The following DDX27 variants were observed in gnomAD, a reference collection of about 807,000 sequenced individuals.
DDX27 encodes probable ATP-dependent RNA helicase DDX27.
A neutral mutation model predicts 99.3 loss-of-function variants in DDX27; 42 were observed. That is an observed-to-expected ratio of 0.42 (90% CI 0.33 to 0.55). The LOEUF is 0.55. Ranked by LOEUF, DDX27 falls within the 20% of genes least tolerant of loss-of-function variation. DDX27 has a pLI of 0.07. For synonymous variants in DDX27, 329 were observed against 353.8 expected (o/e 0.93, Z 0.79); for missense variants, 798 against 976.8 (o/e 0.82, Z 2.44).
intron 14 of DDX27, chr20:49,238,726 C>T: frequency 1.9e-6 from 1 of 521,616 alleles, no homozygotes; most frequent in Non-Finnish European, 3.4e-6. Context: ...CCTTGGCCTC[C>T]CAAAGCGTGG....
chr20:49,219,671 G>T, intron 1 of DDX27, 130 bp downstream of exon 1: 1 of 974,278 alleles, frequency 1.0e-6, no homozygotes, highest in Non-Finnish European at 1.5e-6. Flanking sequence ...ATCTCACCGG[G>T]ACCCCAAGAT....
intron 12 of DDX27, chr20:49,235,408 A>G: frequency 4.0e-6 from 1 of 249,610 alleles, no homozygotes; most frequent in Non-Finnish European, 7.6e-6. Context: ...AGTGGTGAAC[A>G]TTCCTGGGTC....
At position 49,233,377 on chromosome 20, in the gene DDX27, T is replaced by C. The variant is rs1980190682; in HGVS notation, c.1103T>C (p.Met368Thr). ...ATGTGTTCCCACCACCGCCAGACCA[T>C]GCTCTTCTCGGCCACCATGACAGAC... ...IRMCSHHRQTMLFSATMTDEV... is the reference protein window; with the variant it reads ...IRMCSHHRQTTLFSATMTDEV... Residue 368 changes from methionine to threonine, a missense_variant, in exon 10 of 21, where the codon ATG (methionine) becomes ACG (threonine). This residue lies in a region of DDX27 where 553 missense variants were observed against 727.9 expected (regional missense o/e 0.76). Transcript: ENST00000618172. 2 of 1,613,984 alleles carry C rather than the reference T, an allele frequency of 1.2e-6. No individual in the cohort carries two copies. The highest frequency in any genetic ancestry group is 2.7e-5 in the African/African-American group (2 of 74,930).
intron 11 of DDX27, chr20:49,234,721 T>G (rs566187240): frequency 2.1e-6 from 1 of 474,606 alleles, no homozygotes; most frequent in African/African-American, 2.0e-5. Flanking sequence ...CCTTAGCTGC[T>G]TCCCCCTCGT....
Position 49,223,820 on chromosome 20 carries a change from G to C in DDX27, c.466+387G>C, listed in dbSNP as rs536906726. ...CACTTGAAACTGGGAGGCAGAGGTT[G>C]CAGTGAGCTGAGATTGTCCCACTGA... is the stretch of plus-strand genomic sequence containing the variant. On this transcript the variant is annotated intron_variant, in intron 4 of 20. Coordinates refer to ENST00000618172, the MANE Select transcript of DDX27 (RefSeq NM_017895.8). Among the ~76,000 whole-genome samples the C allele has an allele frequency of 1.3e-3, 197 of 152,262 alleles. 3 individuals carry two copies. The highest frequency in any genetic ancestry group is 4.6e-3 in the African/African-American group (191 of 41,552).
In DDX27 at chr20:49,233,687, A is replaced by C; in HGVS notation, c.1251A>C (p.Gly417=). 11 of 1,613,700 alleles carry C rather than the reference A, an allele frequency of 6.8e-6. No homozygotes were observed. The highest frequency in any genetic ancestry group is 9.3e-6 in the Non-Finnish European group (11 of 1,179,838). Residue 417 remains glycine, a synonymous_variant, in exon 11 of 21, where the codon GGA becomes GGC. Transcript: ENST00000618172. ...TCCGGATCCGGCCTAATCGTGAAGGAGACCGGGAAGCCATCGTGGCAGGTG... is the reference window on the plus strand; with the variant it reads ...TCCGGATCCGGCCTAATCGTGAAGGCGACCGGGAAGCCATCGTGGCAGGTG... ...EFIRIRPNRE[G]DREAIVAALL...
intron 9 of DDX27, among the ~76,000 whole-genome samples, chr20:49,230,672 C>G (rs1413475050): frequency 6.6e-6 from 1 of 152,156 alleles, no homozygotes; most frequent in Non-Finnish European, 1.5e-5. Flanking sequence ...ATACGCACAC[C>G]ATAGTGTTGA....
At chr20:49,222,805 G>A (rs916542650) in intron 2 of DDX27, 152 bp from the exon 3 acceptor site, 29 of 369,576 alleles carry the variant, frequency 7.8e-5, no homozygotes, top group Admixed American at 9.4e-5. Context: ...GAGCCACCGC[G>A]CCCGGCCTAA....
At chr20:49,223,471 G>A (rs1979767820) in intron 4 of DDX27, 38 bp downstream of exon 4, 1 of 1,567,104 alleles carries the variant, frequency 6.4e-7, no homozygotes, top group Non-Finnish European at 8.6e-7. Flanking sequence ...ATGGGGACAG[G>A]AGATCAGAAG....
At chr20:49,229,031 T>A in intron 8 of DDX27, 143 bp downstream of exon 8, 38 of 10,870 alleles carry the variant, frequency 3.5e-3, no homozygotes, top group Non-Finnish European at 8.9e-3. Context: ...ACTGGAAGAC[T>A]TTTTTTTTTT....
In DDX27 at chr20:49,222,992, A is replaced by T. The variant is rs776674011; in HGVS notation, c.276A>T (p.Lys92Asn). 6.2e-7 allele frequency: 1 copy of T among 1,613,448 alleles called. No individual in the cohort carries two copies. Among genetic ancestry groups the T allele is most frequent in the Non-Finnish European group, 8.5e-7 (1 of 1,179,710 alleles). Residue 92 changes from lysine to asparagine, a missense_variant, in exon 3 of 21, where the codon AAA becomes AAT. By Grantham distance (94) the Lys-to-Asn change is moderately conservative. Coordinates refer to ENST00000618172, the MANE Select transcript of DDX27 (RefSeq NM_017895.8). ...AATTLDEKIE[K>N]VRKKRKTEDK... Reference sequence around the variant, plus strand: ...CTACATTAGATGAGAAGATTGAGAAAGTTCGAAAGAAAAGGAAAACAGAGG... The same window carrying T: ...CTACATTAGATGAGAAGATTGAGAATGTTCGAAAGAAAAGGAAAACAGAGG...
chr20:49,240,496 C>T (rs1015927812), intron 16 of DDX27, among the ~76,000 whole-genome samples: 31 of 152,264 alleles, frequency 2.0e-4, no homozygotes, highest in African/African-American at 6.7e-4. Flanking sequence ...GGCGCAATCT[C>T]GGCTCACTGC....
At chr20:49,234,767 A>G (rs1980249302) in intron 11 of DDX27, 168 bp from the exon 12 acceptor site, 1 of 696,198 alleles carries the variant, frequency 1.4e-6, no homozygotes, top group Admixed American at 3.6e-5. Context: ...TTCACCCCCC[A>G]GGAATTGGCT....
Position 49,242,595 on chromosome 20 carries a change from CAAGAAGCAA to C in DDX27, c.2122_2130del (p.Lys708_Lys710del). Reference sequence around the variant, plus strand: ...GTAACCCATTCTCTCTGTGCACAGCCAAGAAGCAAAAGCAGGGGAAGAAATCTGTATTTG... The same window carrying C: ...GTAACCCATTCTCTCTGTGCACAGCCAAGCAGGGGAAGAAATCTGTATTTG... On this transcript the variant is annotated inframe_deletion and splice_region_variant, in exon 19 of 21. Transcript: ENST00000618172. 1 of 1,613,948 alleles carries C rather than the reference CAAGAAGCAA, an allele frequency of 6.2e-7. No individual in the cohort carries two copies. The highest frequency in any genetic ancestry group is 8.5e-7 in the Non-Finnish European group (1 of 1,179,968).
At position 49,243,316 on chromosome 20, in the gene DDX27, C is replaced by A. The variant is rs191500448; in HGVS notation, c.2205-313C>A. On this transcript the variant is annotated intron_variant, in intron 19 of 20. Coordinates refer to ENST00000618172, the MANE Select transcript of DDX27 (RefSeq NM_017895.8). ...TCCATCCTGCAGAACCCCAGAGAAT[C>A]CTGGCTTGCTCTTAGGAATATGTTG... is the stretch of plus-strand genomic sequence containing the variant. 3.1e-3 allele frequency among the ~76,000 whole-genome samples: 479 copies of A among 152,296 alleles called. 1 individual carries two copies. Among genetic ancestry groups the A allele is most frequent in the Non-Finnish European group, 5.1e-3 (349 of 68,034 alleles).
intron 2 of DDX27, among the ~76,000 whole-genome samples, chr20:49,222,483 A>C (rs900126162): frequency 2.0e-5 from 3 of 151,910 alleles, no homozygotes; most frequent in African/African-American, 7.3e-5. Flanking sequence ...CCTTACCAGC[A>C]CTGCATTTTC....
At chr20:49,229,858 C>T (rs1049932032) in intron 8 of DDX27, among the ~76,000 whole-genome samples, 1 of 152,042 alleles carries the variant, frequency 6.6e-6, no homozygotes, top group Non-Finnish European at 1.5e-5. Flanking sequence ...GTTGGGTAGG[C>T]TGGTCTCGAA....
Position 49,222,983 on chromosome 20 carries a change from G to A in DDX27, c.267G>A (p.Lys89=). The stretch of plus-strand genomic sequence containing the variant: ...GGGCAGCCACTACATTAGATGAGAA[G>A]ATTGAGAAAGTTCGAAAGAAAAGGA... The part of the protein sequence containing the change: ...KKRAATTLDE[K]IEKVRKKRKT... The change falls in exon 3 of 21, where the codon AAG becomes AAA. Residue 89 remains lysine, a synonymous_variant. Coordinates refer to ENST00000618172, the MANE Select transcript of DDX27 (RefSeq NM_017895.8). The A allele has an allele frequency of 6.2e-7, 1 of 1,613,286 alleles. No individual in the cohort carries two copies. The highest frequency in any genetic ancestry group is 8.5e-7 in the Non-Finnish European group (1 of 1,179,734).
chr20:49,242,346 T>G, intron 18 of DDX27, 140 bp downstream of exon 18: 1 of 1,403,088 alleles, frequency 7.1e-7, no homozygotes, highest in African/African-American at 1.4e-5. Context: ...TGTACAGCTA[T>G]CCCTCCACGG....
Sources: gnomAD v4.1 joint callset for allele counts (sites outside exome capture counted in the v4.1 genomes callset) on GRCh38, gnomAD v4.1.1 for gene constraint, gnomAD v4.1.1 regional missense constraint, MANE v1.5 for transcripts, NCBI Gene and HGNC (gene_info 2026-07-23, HGNC 2026-07-21) for gene names.